CLCN5: variants seen among roughly 807,000 people sequenced by gnomAD.
CLCN5 encodes Cl-/H+ antiporter 5, also known as H(+)/Cl(-) exchange transporter 5.
A neutral mutation model predicts 54.0 loss-of-function variants in CLCN5; 17 were observed. The ratio of observed to expected loss-of-function variants is 0.31; its 90% confidence interval spans 0.22 to 0.47. CLCN5 has a LOEUF of 0.47. Among genes scored for constraint, CLCN5 ranks in the 20% least tolerant of loss-of-function variants. The pLI is 1.00. For synonymous variants in CLCN5, 222 were observed against 233.0 expected (o/e 0.95, Z 0.43); for missense variants, 448 against 646.7 (o/e 0.69, Z 3.33).
At chrX:50,086,183 C>T in intron 10 of CLCN5, 123 bp downstream of exon 10, 1 of 873,933 alleles carries the variant, frequency 1.1e-6, no homozygotes, top group Non-Finnish European at 1.7e-6. Context: ...GAGTGCTCTC[C>T]CCAACTTGGT....
intron 3 of CLCN5, among the ~76,000 whole-genome samples, chrX:49,985,154 A>G (rs1190634799): frequency 9.0e-6 from 1 of 111,391 alleles, no homozygotes; most frequent in Non-Finnish European, 1.9e-5. Context: ...CAGTTTATCA[A>G]TTTTATTCGT....
chrX:49,964,854 C>T (rs1289325523), intron 3 of CLCN5, among the ~76,000 whole-genome samples: 1 of 111,051 alleles, frequency 9.0e-6, no homozygotes, highest in Non-Finnish European at 1.9e-5. Flanking sequence ...TCCACAAGCC[C>T]TCTCTTTTCC....
At chrX:49,986,580 T>C (rs1557178314) in intron 3 of CLCN5, among the ~76,000 whole-genome samples, 1 of 112,162 alleles carries the variant, frequency 8.9e-6, no homozygotes, top group Non-Finnish European at 1.9e-5. Context: ...ATCTTTATGT[T>C]AGCAGATATG....
intron 12 of CLCN5, 49 bp downstream of exon 12, chrX:50,088,933 A>G (rs1557194380): frequency 9.1e-7 from 1 of 1,093,530 alleles, no homozygotes; most frequent in African/African-American, 1.8e-5. Flanking sequence ...GTGACATACA[A>G]CAGAAGAGTT....
At chrX:49,991,245 C>T (rs1388167397) in intron 3 of CLCN5, among the ~76,000 whole-genome samples, 1 of 112,001 alleles carries the variant, frequency 8.9e-6, no homozygotes, top group African/African-American at 3.2e-5. Context: ...TTAATTATGG[C>T]CATTCTTGCT....
At chrX:49,996,529 T>TA (rs1929529559) in intron 3 of CLCN5, among the ~76,000 whole-genome samples, 1 of 112,671 alleles carries the variant, frequency 8.9e-6, no homozygotes, top group Non-Finnish European at 1.9e-5. Context: ...TGATATGCGT[T>TA]ACTGTCTTCA....
At chrX:50,001,648 A>G (rs1242288128) in intron 3 of CLCN5, among the ~76,000 whole-genome samples, 1 of 80,735 alleles carries the variant, frequency 1.2e-5, no homozygotes, top group Non-Finnish European at 2.2e-5. Flanking sequence ...CCGATGTGTG[A>G]TGTTCCCCTT....
intron 4 of CLCN5, among the ~76,000 whole-genome samples, chrX:50,046,286 A>G (rs1169796553): frequency 9.0e-6 from 1 of 111,621 alleles, no homozygotes; most frequent in Non-Finnish European, 1.9e-5. Flanking sequence ...TCATTCACTT[A>G]CTCATTTGAT....
intron 4 of CLCN5, chrX:50,054,511 G>C (rs1932683527): frequency 9.0e-6 from 1 of 111,179 alleles, no homozygotes; most frequent in Non-Finnish European, 1.9e-5. Context: ...TTTGGTGTGG[G>C]AGCTCCCCTA....
chrX:49,971,921 C>T (rs1928235766), intron 3 of CLCN5, among the ~76,000 whole-genome samples: 1 of 111,676 alleles, frequency 9.0e-6, no homozygotes, highest in African/African-American at 3.3e-5. Flanking sequence ...TGCCAGGTTC[C>T]TTACTCTTCC....
chrX:50,060,353 A>G (rs1460309426), intron 4 of CLCN5, among the ~76,000 whole-genome samples: 7 of 110,339 alleles, frequency 6.3e-5, no homozygotes, highest in Non-Finnish European at 1.3e-4. Flanking sequence ...GGGAAGCGCA[A>G]GGGGTCAGGG....
At chrX:49,957,362 A>G (rs1159200530) in intron 3 of CLCN5, among the ~76,000 whole-genome samples, 1 of 112,100 alleles carries the variant, frequency 8.9e-6, no homozygotes, top group Non-Finnish European at 1.9e-5. Context: ...GTTTGAGGGA[A>G]TATTATCATT....
chrX:50,002,235 A>G (rs1255755226), intron 3 of CLCN5, among the ~76,000 whole-genome samples: 1 of 110,121 alleles, frequency 9.1e-6, no homozygotes, highest in East Asian at 2.9e-4. Context: ...CCAGATGCCT[A>G]TGTCCAACTA....
chrX:50,065,012 A>G (rs1932946914), intron 4 of CLCN5, among the ~76,000 whole-genome samples: 1 of 110,997 alleles, frequency 9.0e-6, no homozygotes, highest in South Asian at 3.9e-4. Flanking sequence ...AAATTAATTC[A>G]AGATGGATTA....
intron 3 of CLCN5, among the ~76,000 whole-genome samples, chrX:49,949,918 T>C (rs1926953385): frequency 8.9e-6 from 1 of 112,168 alleles, no homozygotes; most frequent in African/African-American, 3.2e-5. Context: ...AAAAATTGAA[T>C]GATCTTAGGT....
At chrX:50,043,622 G>A (rs188380841) in intron 4 of CLCN5, among the ~76,000 whole-genome samples, 25 of 111,239 alleles carry the variant, frequency 2.2e-4, no homozygotes, top group Non-Finnish European at 3.6e-4. Context: ...TTTTCTAATA[G>A]GCTGATTATT....
chrX:50,026,392 G>A (rs782161553), intron 3 of CLCN5, among the ~76,000 whole-genome samples: 2 of 111,671 alleles, frequency 1.8e-5, no homozygotes, highest in African/African-American at 3.3e-5. Flanking sequence ...CTAGTTGATG[G>A]ATGATGCTGT....
intron 3 of CLCN5, among the ~76,000 whole-genome samples, chrX:49,994,711 C>T (rs1929426106): frequency 9.0e-6 from 1 of 111,648 alleles, no homozygotes; most frequent in Non-Finnish European, 1.9e-5. Context: ...GCATCTTATC[C>T]ATGACTCTTC....
At chrX:49,987,246 A>G (rs1557178385) in intron 3 of CLCN5, among the ~76,000 whole-genome samples, 1 of 112,179 alleles carries the variant, frequency 8.9e-6, no homozygotes, top group African/African-American at 3.2e-5. Context: ...AAATTTCTAG[A>G]AGTATGACCT....
Sources: allele counts gnomAD v4.1 joint callset (sites outside exome capture counted in the v4.1 genomes callset), GRCh38; gene constraint gnomAD v4.1.1; transcripts MANE v1.5; gene names NCBI Gene and HGNC (gene_info 2026-07-23, HGNC 2026-07-21).